The following ARHGEF10 variants were observed in gnomAD, a reference collection of about 807,000 sequenced individuals.
ARHGEF10 encodes the protein Rho guanine nucleotide exchange factor 10, also known as Rho guanine nucleotide exchange factor (GEF) 10.
In ARHGEF10, 140 loss-of-function variants were observed where a neutral mutation model predicts 147.4. The observed-to-expected ratio is 0.95, with a 90% CI of 0.83 to 1.09. The LOEUF is 1.09. Among genes scored for constraint, ARHGEF10 ranks in the 50% least tolerant of loss-of-function variants. The probability of loss-of-function intolerance (pLI) is 0.00; values close to 1 mark genes in which losing one functional copy is unlikely to be tolerated. For missense variants in ARHGEF10, 2,222 were observed against 1,752.7 expected (o/e 1.27, Z -4.78); for synonymous variants, 902 against 695.8 (o/e 1.30, Z -4.67).
chr8:1,956,950 T>C lies in ARHGEF10; in HGVS notation c.3722T>C (p.Ile1241Thr), dbSNP rs768758847. The change falls in exon 29 of 29, where the codon ATC (isoleucine) becomes ACC (threonine). Residue 1241 changes from isoleucine (I) to threonine (T), a missense_variant. Physicochemically the swap from Ile to Thr is moderately conservative, Grantham distance 89 (BLOSUM62 -1). Transcript: ENST00000349830. ...AGCCAGGGTGACCCTGACGCAGCCATCTGGTTGGGAGATTCGCTGGGATCG... is the reference window on the plus strand; with the variant it reads ...AGCCAGGGTGACCCTGACGCAGCCACCTGGTTGGGAGATTCGCTGGGATCG... ...SLSQGDPDAA[I>T]WLGDSLGSMT... The C allele has an allele frequency of 2.5e-6, 4 of 1,614,122 alleles. No individual in the cohort carries two copies. The South Asian group carries it at 4.4e-5, about 18-fold the overall frequency.
In ARHGEF10 at chr8:1,894,345, G is replaced by C. The variant is rs3758003; in HGVS notation, c.1261-48G>C. ...ACCCTGGACAACAAAACAAGACCCA[G>C]GCTCTGAAAAAGAAAAGTCTGAACT... is the stretch of plus-strand genomic sequence containing the variant. On this transcript the variant is annotated intron_variant, in intron 12 of 28. Transcript: ENST00000349830. The C allele has an allele frequency of 4.9e-3, 7,941 of 1,605,994 alleles. 231 individuals carry two copies. In the African/African-American group the frequency reaches 0.07, roughly 14 times the overall value.
intron 1 of ARHGEF10, among the ~76,000 whole-genome samples, chr8:1,840,840 A>G (rs10092154): frequency 0.44 from 66,364 of 152,004 alleles, 14,673 homozygotes; most frequent in South Asian, 0.48. Context: ...TGGAGAGGGT[A>G]GGCACCTCCC....
intron 22 of ARHGEF10, 94 bp from the exon 23 acceptor site, chr8:1,926,283 C>A: frequency 1.0e-6 from 1 of 991,142 alleles, no homozygotes; most frequent in Non-Finnish European, 1.6e-6. Flanking sequence ...TGTGTTTATA[C>A]ATTGGAAGTA....
chr8:1,952,678 C>T (rs771652408), intron 27 of ARHGEF10, 27 bp from the exon 28 acceptor site: 12 of 1,612,728 alleles, frequency 7.4e-6, no homozygotes, highest in African/African-American at 1.3e-5. Flanking sequence ...AAACCAGACC[C>T]GAAGCCACTC....
chr8:1,885,890 G>C (rs1209043154), intron 11 of ARHGEF10, among the ~76,000 whole-genome samples, 183 bp downstream of exon 11: 5 of 152,190 alleles, frequency 3.3e-5, no homozygotes, highest in African/African-American at 7.2e-5. Context: ...GCAAGGGTCT[G>C]GGGGGACGCT....
chr8:1,892,110 GTGTT>G (rs1322753496), intron 11 of ARHGEF10, among the ~76,000 whole-genome samples: 17 of 151,744 alleles, frequency 1.1e-4, no homozygotes, highest in Non-Finnish European at 8.8e-5. Flanking sequence ...CCTTGGGAGA[GTGTT>G]TGGGAATCTG....
Position 1,925,269 on chromosome 8 carries a change from G to C in ARHGEF10, c.2489-14G>C, listed in dbSNP as rs754120665. 6 of 1,614,016 alleles carry C rather than the reference G, an allele frequency of 3.7e-6. No homozygotes were observed. The highest frequency in any genetic ancestry group is 2.7e-5 in the African/African-American group (2 of 74,918). ...ACTGCATTCTTGCTCATTTCTCTCT[G>C]AATATAATTGCAGAAGAGGAGAACC... On this transcript the variant is annotated splice_polypyrimidine_tract_variant and intron_variant, in intron 21 of 28. Coordinates refer to ENST00000349830, the MANE Select transcript of ARHGEF10 (RefSeq NM_014629.4).
In ARHGEF10 at chr8:1,940,076, C is replaced by G. The variant is rs1451357822; in HGVS notation, c.3223-5405C>G. On this transcript the variant is annotated intron_variant, in intron 26 of 28. Transcript: ENST00000349830. ...AGGAGGTTGCGCTGGGTTAAAAACT[C>G]CATGGGTTTGGTTTTTTTAAATCAT... Among the ~76,000 whole-genome samples, 3 of 152,106 alleles carry G rather than the reference C, an allele frequency of 2.0e-5. No individual in the cohort carries two copies. The East Asian group carries it at 5.8e-4, about 29-fold the overall frequency.
At chr8:1,875,726 C>G (rs920802529) in intron 7 of ARHGEF10, among the ~76,000 whole-genome samples, 4 of 152,162 alleles carry the variant, frequency 2.6e-5, no homozygotes, top group African/African-American at 9.7e-5. Flanking sequence ...TTGTAAGTGA[C>G]AAGTTCATGT....
At chr8:1,932,340 CGTAT>C (rs1378912221) in intron 25 of ARHGEF10, among the ~76,000 whole-genome samples, 1 of 152,124 alleles carries the variant, frequency 6.6e-6, no homozygotes, top group Non-Finnish European at 1.5e-5. Context: ...ATTGTGAGGG[CGTAT>C]GTGTGTGCAG....
chr8:1,925,554 G>C lies in ARHGEF10; in HGVS notation c.2610+150G>C, dbSNP rs1812626675. ...CGCTTCTCTAGAGGTCATTTATCTG[G>C]AAATAAGACTGCTGTTGATTGAAAC... On this transcript the variant is annotated intron_variant, in intron 22 of 28. Coordinates refer to ENST00000349830, the MANE Select transcript of ARHGEF10 (RefSeq NM_014629.4). 6.1e-6 allele frequency: 7 copies of C among 1,151,890 alleles called. No individual in the cohort carries two copies. In the South Asian group the frequency reaches 7.9e-5, roughly 13 times the overall value. 71.4% of individuals were successfully genotyped at this position (1,151,890 alleles called of 1,614,324 possible).
chr8:1,873,671 C>G (rs182903602), intron 7 of ARHGEF10, among the ~76,000 whole-genome samples: 1 of 146,194 alleles, frequency 6.8e-6, no homozygotes. Context: ...GGTAGTGCAC[C>G]CGCATTTCCT....
At chr8:1,878,672 C>A (rs530914062) in intron 8 of ARHGEF10, among the ~76,000 whole-genome samples, 1 of 152,044 alleles carries the variant, frequency 6.6e-6, no homozygotes, top group African/African-American at 2.4e-5. Flanking sequence ...GGGCTGTGGA[C>A]AGAGGGGCCA....
chr8:1,922,371 G>C (rs912279939), intron 18 of ARHGEF10, among the ~76,000 whole-genome samples: 1 of 151,958 alleles, frequency 6.6e-6, no homozygotes, highest in African/African-American at 2.4e-5. Context: ...TCATTTCTAA[G>C]TGCCTCTTAC....
At chr8:1,873,644 C>T (rs11776771) in intron 7 of ARHGEF10, among the ~76,000 whole-genome samples, 1 of 46,258 alleles carries the variant, frequency 2.2e-5, no homozygotes, top group Non-Finnish European at 3.8e-5. Flanking sequence ...TCCTAGTTGC[C>T]TTGAGAGGTG....
intron 1 of ARHGEF10, among the ~76,000 whole-genome samples, chr8:1,835,801 G>A (rs191759397): frequency 9.7e-4 from 148 of 152,312 alleles, no homozygotes; most frequent in African/African-American, 3.3e-3. Context: ...GTGGGGCTGC[G>A]GCCTGACGCA....
chr8:1,945,432 C>T (rs1473653383), intron 26 of ARHGEF10, 49 bp from the exon 27 acceptor site: 5 of 1,553,402 alleles, frequency 3.2e-6, no homozygotes, highest in Admixed American at 3.9e-5. Flanking sequence ...ACAGGCCCCA[C>T]TCAGACTCAC....
chr8:1,881,617 C>T (rs548840291), intron 9 of ARHGEF10, among the ~76,000 whole-genome samples: 62 of 152,168 alleles, frequency 4.1e-4, no homozygotes, highest in African/African-American at 1.2e-3. Flanking sequence ...CTGGGGCAGG[C>T]GACGCGGGTG....
chr8:1,914,894 C>T (rs962123393), intron 18 of ARHGEF10, among the ~76,000 whole-genome samples: 3 of 152,192 alleles, frequency 2.0e-5, no homozygotes, highest in African/African-American at 7.2e-5. Context: ...GTTGGCTTTC[C>T]ACACTGAATA....
Sources: allele counts gnomAD v4.1 joint callset (sites outside exome capture counted in the v4.1 genomes callset), GRCh38; gene constraint gnomAD v4.1.1; transcripts MANE v1.5; gene names NCBI Gene and HGNC (gene_info 2026-07-23, HGNC 2026-07-21).